The following HRH2 variants were observed in gnomAD, a reference collection of about 807,000 sequenced individuals.
The protein encoded by HRH2 is histamine receptor H2.
A neutral mutation model predicts 20.1 loss-of-function variants in HRH2; 4 were observed. That is an observed-to-expected ratio of 0.20 (90% CI 0.10 to 0.45). HRH2 has a LOEUF of 0.45. Among genes scored for constraint, HRH2 ranks in the 20% least tolerant of loss-of-function variants. HRH2 has a pLI of 0.99. For missense variants in HRH2, 250 were observed against 461.6 expected (o/e 0.54, Z 4.20); for synonymous variants, 197 against 200.7 (o/e 0.98, Z 0.16).
rs1009747636 is a variant in HRH2 at position 175,681,888 on chromosome 5, G to A, written c.-525-821G>A. Among the ~76,000 whole-genome samples, 56 of 152,316 alleles carry A rather than the reference G, an allele frequency of 3.7e-4. No individual in the cohort carries two copies. Among genetic ancestry groups the A allele is most frequent in the African/African-American group, 1.2e-3 (50 of 41,582 alleles). On this transcript the variant is annotated intron_variant, in intron 1 of 2. Coordinates refer to ENST00000636584, the MANE Select transcript of HRH2 (RefSeq NM_001367711.1). The surrounding 1 kb of genome is among the most constrained non-coding windows in gnomAD (Gnocchi z 4.3). ...ACCAGTAAGATTTAGAGATGCGTTC[G>A]GAGCAGGGGTGGCGTGGATGACAGG...
chr5:175,660,543 A>G (rs1016686144), intron 1 of HRH2, among the ~76,000 whole-genome samples: 2 of 152,254 alleles, frequency 1.3e-5, no homozygotes, highest in Non-Finnish European at 2.9e-5. Flanking sequence ...GTGTTTGCCC[A>G]TGGATGGTGG....
chr5:175,688,578 T>C (rs1756256366), intron 2 of HRH2, among the ~76,000 whole-genome samples: 1 of 152,166 alleles, frequency 6.6e-6, no homozygotes, highest in African/African-American at 2.4e-5. Flanking sequence ...AGCAGGGGAC[T>C]CCCAGAAACA....
chr5:175,670,274 A>T (rs1053441034), intron 1 of HRH2, among the ~76,000 whole-genome samples: 3 of 151,264 alleles, frequency 2.0e-5, no homozygotes, highest in Non-Finnish European at 3.0e-5. Context: ...CTCAAAGAAA[A>T]TTTTTTTTTT....
chr5:175,675,547 G>A (rs1007647974), intron 1 of HRH2, among the ~76,000 whole-genome samples: 3 of 152,204 alleles, frequency 2.0e-5, no homozygotes, highest in African/African-American at 7.2e-5. Context: ...TGCAAAACCT[G>A]TGCAATGATT....
intron 1 of HRH2, among the ~76,000 whole-genome samples, chr5:175,668,953 C>T (rs1028111519): frequency 6.6e-6 from 1 of 152,180 alleles, no homozygotes; most frequent in African/African-American, 2.4e-5. Context: ...AAGAATCAAT[C>T]GTGCAGTTCC....
At chr5:175,704,366 A>G (rs913066553) in intron 2 of HRH2, among the ~76,000 whole-genome samples, 7 of 152,134 alleles carry the variant, frequency 4.6e-5, no homozygotes, top group Admixed American at 3.3e-4. Context: ...CTCATCAACA[A>G]ATTAAAGAAG....
intron 2 of HRH2, among the ~76,000 whole-genome samples, chr5:175,694,010 G>GT (rs897208085): frequency 4.6e-5 from 7 of 152,336 alleles, no homozygotes; most frequent in Admixed American, 4.6e-4. Flanking sequence ...CCTGGAGCGA[G>GT]TGACTTCCTC....
intron 2 of HRH2, among the ~76,000 whole-genome samples, chr5:175,706,965 G>C (rs1190669694): frequency 2.0e-5 from 3 of 152,240 alleles, no homozygotes; most frequent in African/African-American, 7.2e-5. Context: ...GAGTAACTCA[G>C]ACTTCTCCCA....
intron 1 of HRH2, among the ~76,000 whole-genome samples, chr5:175,660,153 C>T (rs1466688642): frequency 1.3e-5 from 2 of 152,188 alleles, no homozygotes; most frequent in African/African-American, 2.4e-5. Context: ...GTAAGGGAAA[C>T]AGGATTAAGT....
At position 175,707,932 on chromosome 5, in the gene HRH2, C is replaced by G. The variant is rs982991695; in HGVS notation, c.1230C>G (p.Pro410=). 7.5e-6 allele frequency: 3 copies of G among 398,986 alleles called. No homozygotes were observed. The highest frequency in any genetic ancestry group is 1.3e-5 in the Non-Finnish European group (3 of 226,136). The allele number at this position is 398,986 out of a possible 1,614,324, so 24.7% of individuals were successfully genotyped here. A position where few individuals can be genotyped will look rare whatever the true frequency, so the allele number is the denominator to read the frequency against. Residue 410 remains proline, a synonymous_variant, in exon 3 of 3, where the codon CCC becomes CCG. Transcript: ENST00000636584. ...PLSEEPQKRP[P]QKAVRTLPSE... is the part of the protein sequence containing the mutation. ...CTGAGGAGCCACAGAAGAGACCTCC[C>G]CAGAAAGCGGTGAGGACGCTGCCCT...
intron 1 of HRH2, among the ~76,000 whole-genome samples, chr5:175,663,947 C>T (rs1762812063): frequency 6.6e-6 from 1 of 152,232 alleles, no homozygotes; most frequent in South Asian, 2.1e-4. Flanking sequence ...AAGGGCCTTT[C>T]CAGCTCTGCC....
chr5:175,658,426 C>T (rs1298914142), intron 1 of HRH2, among the ~76,000 whole-genome samples: 1 of 152,178 alleles, frequency 6.6e-6, no homozygotes, highest in African/African-American at 2.4e-5. Flanking sequence ...GTTGAGAGCT[C>T]GGGATGCAGC....
intron 1 of HRH2, among the ~76,000 whole-genome samples, chr5:175,674,899 T>C (rs1052099785): frequency 6.6e-6 from 1 of 152,208 alleles, no homozygotes; most frequent in Non-Finnish European, 1.5e-5. Context: ...AGATGCAAGA[T>C]GTTTGTATGT....
At chr5:175,668,036 T>C (rs1207437485) in intron 1 of HRH2, among the ~76,000 whole-genome samples, 7 of 152,232 alleles carry the variant, frequency 4.6e-5, no homozygotes, top group Non-Finnish European at 1.0e-4. Flanking sequence ...TGTGTCTCTT[T>C]GAAACCTCAA....
chr5:175,694,339 C>T (rs1169945858), intron 2 of HRH2, among the ~76,000 whole-genome samples: 1 of 151,736 alleles, frequency 6.6e-6, no homozygotes, highest in East Asian at 1.9e-4. Flanking sequence ...CACCTGCATC[C>T]CCCCAGTGTA....
rs1755975309 is a variant in HRH2, at chr5:175,681,583, C to A, written c.-525-1126C>A. On this transcript the variant is annotated intron_variant, in intron 1 of 2. Transcript: ENST00000636584. The surrounding 1 kb of genome is among the most constrained non-coding windows in gnomAD (Gnocchi z 4.3). ...ATATACAGCCACCACTGGGAGGGAG[C>A]CTTGGAGATTACCTAGTGACCAGGG... is the stretch of plus-strand genomic sequence containing the variant. Among the ~76,000 whole-genome samples, 1 of 152,152 alleles carries A rather than the reference C, an allele frequency of 6.6e-6. No individual in the cohort carries two copies.
chr5:175,696,598 A>C (rs531366553), intron 2 of HRH2, among the ~76,000 whole-genome samples: 1 of 151,994 alleles, frequency 6.6e-6, no homozygotes, highest in Non-Finnish European at 1.5e-5. Flanking sequence ...CTCCATGCAC[A>C]CTCTTGCGGT....
chr5:175,678,585 T>C lies in HRH2; in HGVS notation c.-525-4124T>C, dbSNP rs143347287. Among the ~76,000 whole-genome samples, 542 of 152,368 alleles carry C rather than the reference T, an allele frequency of 3.6e-3. 1 individual carries two copies. Among genetic ancestry groups the C allele is most frequent in the Middle Eastern group, 0.014 (4 of 294 alleles). ...GGCGGCTCCCCTTGACTCCTCACAG[T>C]GTCCGTTCTGTAGAGTAAGGATCAA... On this transcript the variant is annotated intron_variant, in intron 1 of 2. Transcript: ENST00000636584.
At chr5:175,692,610 T>C (rs531006013) in intron 2 of HRH2, among the ~76,000 whole-genome samples, 1 of 152,288 alleles carries the variant, frequency 6.6e-6, no homozygotes, top group Admixed American at 6.5e-5. Flanking sequence ...TTATTTTTTT[T>C]CCCCATGGCC....
Sources: allele counts gnomAD v4.1 joint callset (sites outside exome capture counted in the v4.1 genomes callset), GRCh38; gene constraint gnomAD v4.1.1; non-coding constraint Gnocchi (gnomAD v3.1); transcripts MANE v1.5; gene names NCBI Gene and HGNC (gene_info 2026-07-23, HGNC 2026-07-21).